Variants in CNTN4 observed in about 807,000 individuals in gnomAD.
CNTN4 encodes contactin-4.
CNTN4 carries 77 observed loss-of-function variants against 122.5 expected under a neutral mutation model. That is an observed-to-expected ratio of 0.63 (90% CI 0.52 to 0.76). The LOEUF is 0.76. Among genes scored for constraint, CNTN4 ranks in the 30% least tolerant of loss-of-function variants. The pLI, the probability that CNTN4 is intolerant of heterozygous loss-of-function variation, is 0.00. For missense variants in CNTN4, 1,256 were observed against 1,259.1 expected (o/e 1.00, Z 0.04); for synonymous variants, 512 against 447.0 (o/e 1.15, Z -1.83).
intron 2 of CNTN4, among the ~76,000 whole-genome samples, chr3:2,187,856 A>C (rs1291325461): frequency 1.3e-5 from 2 of 152,070 alleles, no homozygotes; most frequent in African/African-American, 2.4e-5. Context: ...TGGGTTTCTG[A>C]GTAGGGAAAG....
intron 7 of CNTN4, among the ~76,000 whole-genome samples, chr3:2,827,121 G>A (rs1484615539): frequency 6.6e-6 from 1 of 152,120 alleles, no homozygotes; most frequent in African/African-American, 2.4e-5. Context: ...GCCTGGCTGG[G>A]TCCTAGGTTT....
At chr3:2,592,106 C>A (rs2080523384) in intron 4 of CNTN4, among the ~76,000 whole-genome samples, 1 of 152,050 alleles carries the variant, frequency 6.6e-6, no homozygotes, top group Non-Finnish European at 1.5e-5. Context: ...ATCTCAAAAT[C>A]CTGGCCTCGA....
chr3:2,153,466 T>C (rs974603130), intron 2 of CNTN4, among the ~76,000 whole-genome samples: 27 of 152,200 alleles, frequency 1.8e-4, no homozygotes, highest in African/African-American at 6.3e-4. Context: ...CTTTGATAAA[T>C]ACAGTTTTAT....
At chr3:2,341,804 A>G (rs1028121307) in intron 3 of CNTN4, among the ~76,000 whole-genome samples, 1 of 152,232 alleles carries the variant, frequency 6.6e-6, no homozygotes, top group Non-Finnish European at 1.5e-5. Context: ...ACATAAAATG[A>G]TTTTTTAAAT....
intron 4 of CNTN4, among the ~76,000 whole-genome samples, chr3:2,576,027 G>C (rs1020230313): frequency 2.1e-4 from 32 of 151,790 alleles, no homozygotes; most frequent in Non-Finnish European, 4.1e-4. Flanking sequence ...AGTAGAGACG[G>C]GGTTTCACCA....
At chr3:2,535,147 G>A (rs2077751710) in intron 3 of CNTN4, among the ~76,000 whole-genome samples, 2 of 152,086 alleles carry the variant, frequency 1.3e-5, no homozygotes, top group South Asian at 2.1e-4. Context: ...TGCGTCTTCT[G>A]AGAGCTAGTT....
intron 23 of CNTN4, among the ~76,000 whole-genome samples, chr3:3,045,332 T>A (rs967213821): frequency 4.6e-5 from 7 of 152,170 alleles, no homozygotes; most frequent in African/African-American, 1.7e-4. Context: ...GACTCCCTCC[T>A]CAAGTGGTTC....
intron 6 of CNTN4, among the ~76,000 whole-genome samples, chr3:2,800,762 TC>T (rs1241669576): frequency 4.6e-5 from 7 of 152,180 alleles, no homozygotes; most frequent in African/African-American, 1.7e-4. Flanking sequence ...ACTTTTATCT[TC>T]CTTATTCATT....
intron 2 of CNTN4, among the ~76,000 whole-genome samples, chr3:2,212,615 T>G (rs1371049134): frequency 6.6e-6 from 1 of 152,202 alleles, no homozygotes; most frequent in Admixed American, 6.5e-5. Context: ...CCTTGGCACA[T>G]GAGGCTTATT....
Position 2,449,795 on chromosome 3 carries a change from A to G in CNTN4, c.-89+110562A>G, listed in dbSNP as rs192463419. Among the ~76,000 whole-genome samples, 497 of 151,752 alleles carry G rather than the reference A, an allele frequency of 3.3e-3. 3 individuals are homozygous for G. Among genetic ancestry groups the G allele is most frequent in the African/African-American group, 0.012 (484 of 41,128 alleles). Reference sequence around the variant, plus strand: ...ATAATGAAATCTTGCTATTTATGACAACATGGATGAACTTGGAGGACATTA... The same window carrying G: ...ATAATGAAATCTTGCTATTTATGACGACATGGATGAACTTGGAGGACATTA... On this transcript the variant is annotated intron_variant, in intron 3 of 24. Transcript: ENST00000418658.
chr3:2,355,156 G>A (rs924388788), intron 3 of CNTN4, among the ~76,000 whole-genome samples: 2 of 152,182 alleles, frequency 1.3e-5, no homozygotes, highest in East Asian at 3.9e-4. Context: ...AGTAGCTTCA[G>A]CATTTCTCCT....
At chr3:2,556,033 T>A (rs1286615937) in intron 3 of CNTN4, among the ~76,000 whole-genome samples, 1 of 152,230 alleles carries the variant, frequency 6.6e-6, no homozygotes, top group Non-Finnish European at 1.5e-5. Flanking sequence ...AATGTTTTTT[T>A]CCCTGAAACC....
intron 2 of CNTN4, among the ~76,000 whole-genome samples, chr3:2,128,996 A>G (rs2034315475): frequency 6.6e-6 from 1 of 152,178 alleles, no homozygotes; most frequent in Non-Finnish European, 1.5e-5. Context: ...AATATACTTC[A>G]TGGAACATGG....
intron 3 of CNTN4, among the ~76,000 whole-genome samples, chr3:2,545,447 C>T (rs1017108929): frequency 3.3e-5 from 5 of 151,932 alleles, no homozygotes; most frequent in Admixed American, 2.0e-4. Flanking sequence ...CTGTCTAATG[C>T]TGTCAGTCGG....
At chr3:2,775,966 G>A (rs192008643) in intron 6 of CNTN4, among the ~76,000 whole-genome samples, 23 of 152,210 alleles carry the variant, frequency 1.5e-4, no homozygotes, top group East Asian at 1.2e-3. Context: ...TCTTCAGCCC[G>A]AACTGACCCC....
chr3:2,224,640 C>A (rs1017976268), intron 2 of CNTN4, among the ~76,000 whole-genome samples: 1 of 152,120 alleles, frequency 6.6e-6, no homozygotes, highest in African/African-American at 2.4e-5. Context: ...GACACACTTG[C>A]TATGGTTGTT....
intron 2 of CNTN4, among the ~76,000 whole-genome samples, chr3:2,101,719 T>G (rs867035329): frequency 6.6e-6 from 1 of 152,110 alleles, no homozygotes; most frequent in East Asian, 1.9e-4. Context: ...ATTTATAAAC[T>G]GAAGACATGC....
chr3:2,574,354 T>C (rs962230130), intron 4 of CNTN4, among the ~76,000 whole-genome samples: 2 of 152,214 alleles, frequency 1.3e-5, no homozygotes, highest in African/African-American at 4.8e-5. Flanking sequence ...ACAGCTGTTA[T>C]GTTTACCATA....
intron 8 of CNTN4, among the ~76,000 whole-genome samples, chr3:2,868,875 C>T (rs1302351088): frequency 6.6e-6 from 1 of 152,016 alleles, no homozygotes; most frequent in African/African-American, 2.4e-5. Flanking sequence ...CTACTTTAGA[C>T]AGCCATGGAA....
Sources: gnomAD v4.1 joint callset for allele counts (sites outside exome capture counted in the v4.1 genomes callset) on GRCh38, gnomAD v4.1.1 for gene constraint, MANE v1.5 for transcripts, NCBI Gene and HGNC (gene_info 2026-07-23, HGNC 2026-07-21) for gene names.